SORCS2: variants seen among roughly 807,000 people sequenced by gnomAD.
The protein encoded by SORCS2 is VPS10 domain-containing receptor SorCS2.
SORCS2 carries 100 observed loss-of-function variants against 141.6 expected under a neutral mutation model. The observed-to-expected ratio is 0.71, with a 90% CI of 0.60 to 0.83. The LOEUF is 0.83. Among genes scored for constraint, SORCS2 ranks in the 40% least tolerant of loss-of-function variants. The pLI is 0.00. For missense variants in SORCS2, 1,646 were observed against 1,560.2 expected (o/e 1.05, Z -0.93); for synonymous variants, 789 against 676.9 (o/e 1.17, Z -2.57).
intron 15 of SORCS2, 70 bp downstream of exon 15, chr4:7,712,923 C>T: frequency 1.3e-6 from 2 of 1,581,692 alleles, no homozygotes; most frequent in Non-Finnish European, 1.7e-6. Flanking sequence ...CTCTGCCTGC[C>T]AAAGTCCTCC....
intron 2 of SORCS2, among the ~76,000 whole-genome samples, chr4:7,414,826 TG>T (rs1725554338): frequency 6.6e-6 from 1 of 152,196 alleles, no homozygotes. Context: ...AGAAAATTCC[TG>T]GGAACTTCAT....
chr4:7,690,450 A>T (rs186813760), intron 11 of SORCS2, among the ~76,000 whole-genome samples: 119 of 150,458 alleles, frequency 7.9e-4, no homozygotes, highest in Non-Finnish European at 8.0e-4. Flanking sequence ...GGATGGATGG[A>T]TGAGTGGATG....
intron 3 of SORCS2, among the ~76,000 whole-genome samples, chr4:7,621,473 G>A (rs1719180229): frequency 6.6e-6 from 1 of 151,206 alleles, no homozygotes; most frequent in Non-Finnish European, 1.5e-5. Context: ...TTATGTGTGT[G>A]TCTGTGTGTG....
chr4:7,364,228 G>A lies in SORCS2; in HGVS notation c.481-32060G>A, dbSNP rs547629703. ...TCCAGGTCCAGCCCAGGTCTTGTTG[G>A]CAGTAGGTACCCAACCCACCCTGGA... On this transcript the variant is annotated intron_variant, in intron 1 of 26. Transcript: ENST00000507866. Among the ~76,000 whole-genome samples the A allele has an allele frequency of 5.9e-5, 9 of 152,314 alleles. No homozygotes were observed. The South Asian group carries it at 1.0e-3, about 18-fold the overall frequency.
At chr4:7,215,477 C>G (rs1341152085) in intron 1 of SORCS2, among the ~76,000 whole-genome samples, 1 of 152,254 alleles carries the variant, frequency 6.6e-6, no homozygotes, top group Non-Finnish European at 1.5e-5. Flanking sequence ...CTCCACGGCT[C>G]CCAGTCCCAT....
At chr4:7,653,393 G>A (rs907921700) in intron 4 of SORCS2, among the ~76,000 whole-genome samples, 12 of 152,088 alleles carry the variant, frequency 7.9e-5, no homozygotes, top group South Asian at 4.1e-4. Flanking sequence ...ACAGGCATGC[G>A]CCACCATGCC....
chr4:7,343,060 G>A (rs371519109), intron 1 of SORCS2, among the ~76,000 whole-genome samples: 2 of 152,216 alleles, frequency 1.3e-5, no homozygotes, highest in East Asian at 3.9e-4. Flanking sequence ...CGTAGTCCCC[G>A]ACCCTGTGGG....
chr4:7,414,454 G>A (rs1725532384), intron 2 of SORCS2, among the ~76,000 whole-genome samples: 1 of 152,212 alleles, frequency 6.6e-6, no homozygotes, highest in Non-Finnish European at 1.5e-5. Context: ...GGCTTGGAGT[G>A]TTGTACCCAG....
In SORCS2 at chr4:7,214,036, G is replaced by T. The variant is rs564628300; in HGVS notation, c.480+20910G>T. Reference sequence around the variant, plus strand: ...CCTTTGCCTCCAGCCTCCAGGTCTGGGGTGTCTGTTTACAGGAATTGTGGG... The same window carrying T: ...CCTTTGCCTCCAGCCTCCAGGTCTGTGGTGTCTGTTTACAGGAATTGTGGG... On this transcript the variant is annotated intron_variant, in intron 1 of 26. Coordinates refer to ENST00000507866, the MANE Select transcript of SORCS2 (RefSeq NM_020777.3). Among the ~76,000 whole-genome samples, 12 of 152,256 alleles carry T rather than the reference G, an allele frequency of 7.9e-5. No homozygotes were observed. In the South Asian group the frequency reaches 2.5e-3, roughly 32 times the overall value.
chr4:7,714,223 T>C lies in SORCS2; in HGVS notation c.1990-17T>C, dbSNP rs1410411268. On this transcript the variant is annotated splice_polypyrimidine_tract_variant and intron_variant, in intron 15 of 26. Coordinates refer to ENST00000507866, the MANE Select transcript of SORCS2 (RefSeq NM_020777.3). ...CCCTGTCTCAGGCAGCTCCTTACCC[T>C]GATGTTCCTGCTGCAGGGCGACCGC... is the stretch of plus-strand genomic sequence containing the variant. 1.9e-6 allele frequency: 3 copies of C among 1,607,294 alleles called. No homozygotes were observed. The South Asian group carries it at 3.4e-5, about 18-fold the overall frequency.
chr4:7,678,214 C>T (rs772709880), intron 9 of SORCS2, among the ~76,000 whole-genome samples: 3 of 151,204 alleles, frequency 2.0e-5, no homozygotes, highest in Non-Finnish European at 2.9e-5. Context: ...GGAGTGCTTC[C>T]TGGAGGCGGC....
chr4:7,625,866 C>T (rs1443160545), intron 3 of SORCS2, among the ~76,000 whole-genome samples: 2 of 148,760 alleles, frequency 1.3e-5, no homozygotes, highest in East Asian at 3.9e-4. Context: ...AGGCTGGGCG[C>T]GGTGGCTCAC....
chr4:7,676,261 C>T, intron 9 of SORCS2, 32 bp downstream of exon 9: 1 of 1,542,962 alleles, frequency 6.5e-7, no homozygotes, highest in Non-Finnish European at 8.8e-7. Flanking sequence ...GCCAGGTCTG[C>T]CGCCGACCCC....
intron 3 of SORCS2, among the ~76,000 whole-genome samples, chr4:7,587,965 A>G (rs530602517): frequency 2.0e-5 from 3 of 152,284 alleles, no homozygotes; most frequent in African/African-American, 7.2e-5. Flanking sequence ...TTTAAAACCA[A>G]TTTCTCTAAC....
At chr4:7,515,309 A>G (rs181773567) in intron 2 of SORCS2, among the ~76,000 whole-genome samples, 1 of 152,290 alleles carries the variant, frequency 6.6e-6, no homozygotes, top group Admixed American at 6.5e-5. Context: ...GTCTTGGAGT[A>G]ATATCATTAA....
chr4:7,716,718 C>T (rs1055813620), intron 17 of SORCS2, among the ~76,000 whole-genome samples: 1 of 151,474 alleles, frequency 6.6e-6, no homozygotes, highest in Non-Finnish European at 1.5e-5. Flanking sequence ...TACTTATCTA[C>T]CCATCTGTCT....
chr4:7,433,611 G>T, intron 2 of SORCS2: 4 of 1,611,628 alleles, frequency 2.5e-6, no homozygotes, highest in Non-Finnish European at 3.4e-6. Context: ...AGCCACCCTT[G>T]AAGGCCACCA....
rs537528088 is a variant in SORCS2 at position 7,296,255 on chromosome 4, C to T, written c.481-100033C>T. ...CCCCTGCCCCTGCCCTCACAGCCTC[C>T]GGGAGCTGGAAGTCTCTTTTCCCCG... On this transcript the variant is annotated intron_variant, in intron 1 of 26. Transcript: ENST00000507866. Among the ~76,000 whole-genome samples the T allele has an allele frequency of 1.1e-4, 17 of 152,340 alleles. No individual in the cohort carries two copies. In the South Asian group the frequency reaches 2.1e-3, roughly 19 times the overall value.
chr4:7,627,394 G>C (rs1427785362), intron 3 of SORCS2, among the ~76,000 whole-genome samples: 1 of 152,194 alleles, frequency 6.6e-6, no homozygotes, highest in Admixed American at 6.5e-5. Context: ...GGGTGATGCT[G>C]CCTGCCCAAG....
Sources: gnomAD v4.1 joint callset for allele counts (sites outside exome capture counted in the v4.1 genomes callset) on GRCh38, gnomAD v4.1.1 for gene constraint, MANE v1.5 for transcripts, NCBI Gene and HGNC (gene_info 2026-07-23, HGNC 2026-07-21) for gene names.